The following RUFY1 variants were observed in gnomAD, a reference collection of about 807,000 sequenced individuals.
The protein encoded by RUFY1 is RUN and FYVE domain containing 1, also known as RUN and FYVE domain-containing protein 1.
In RUFY1, 54 loss-of-function variants were observed where a neutral mutation model predicts 94.6. The observed-to-expected ratio is 0.57, with a 90% CI of 0.46 to 0.72. The LOEUF (loss-of-function observed/expected upper bound fraction) is 0.72. RUFY1 is among the 30% of genes least tolerant of loss of function. RUFY1 has a pLI of 0.00. For synonymous variants in RUFY1, 396 were observed against 347.3 expected (o/e 1.14, Z -1.56); for missense variants, 883 against 883.9 (o/e 1.00, Z 0.01).
rs1446188988 is a variant in RUFY1 at position 179,550,609 on chromosome 5, C to T, written c.40C>T (p.Arg14Trp). 1.5e-6 allele frequency: 2 copies of T among 1,307,912 alleles called. No individual in the cohort carries two copies. Among genetic ancestry groups the T allele is most frequent in the South Asian group, 1.5e-5 (1 of 65,248 alleles). The allele number at this position is 1,307,912 out of a possible 1,614,324, so 81.0% of individuals were successfully genotyped here. A position where few individuals can be genotyped will look rare whatever the true frequency, so the allele number is the denominator to read the frequency against. Reference protein sequence around the residue: ...REGGCAAGRGRELEPELEPGP... With the variant: ...REGGCAAGRGWELEPELEPGP... ...AGGCGGCTGCGCTGCTGGGCGGGGG[C>T]GGGAGCTGGAGCCGGAGCTGGAGCC... Residue 14 changes from arginine (R) to tryptophan (W), a missense_variant, in exon 1 of 18, where the codon CGG (arginine) becomes TGG (tryptophan). Physicochemically the swap from Arg to Trp is moderately radical, Grantham distance 101. Transcript: ENST00000319449.
At chr5:179,565,978 C>CA (rs994353850) in intron 3 of RUFY1, among the ~76,000 whole-genome samples, 68 of 142,116 alleles carry the variant, frequency 4.8e-4, no homozygotes, top group East Asian at 1.0e-3. Context: ...CCCATCTCTA[C>CA]AAAAAAAAAA....
At chr5:179,568,947 C>G (rs10036118) in intron 4 of RUFY1, 286,147 of 734,656 alleles carry the variant, frequency 0.39, 56,775 homozygotes, top group East Asian at 0.72. Flanking sequence ...CTGTTTATAT[C>G]AGCATAAGTG....
chr5:179,567,323 A>G (rs755924613), intron 3 of RUFY1, 138 bp from the exon 4 acceptor site: 3 of 667,200 alleles, frequency 4.5e-6, no homozygotes, highest in African/African-American at 1.8e-5. Context: ...TCCCTCCCCA[A>G]CCCCAAACAG....
chr5:179,598,536 C>T (rs892513030), intron 13 of RUFY1, among the ~76,000 whole-genome samples, 156 bp from the exon 14 acceptor site: 6 of 152,108 alleles, frequency 3.9e-5, no homozygotes, highest in Non-Finnish European at 8.8e-5. Flanking sequence ...TGTGGAAGGG[C>T]AGGTGACCCT....
At chr5:179,607,489 C>T (rs1767223849) in intron 16 of RUFY1, 93 bp from the exon 17 acceptor site, 1 of 985,588 alleles carries the variant, frequency 1.0e-6, no homozygotes, top group Non-Finnish European at 1.6e-6. Context: ...GAAACAGGTG[C>T]TATGAGGGAC....
chr5:179,584,302 T>TG (rs1185667754), intron 7 of RUFY1, among the ~76,000 whole-genome samples: 19 of 152,206 alleles, frequency 1.2e-4, no homozygotes, highest in Non-Finnish European at 2.5e-4. Flanking sequence ...GCATGACCTG[T>TG]TGCCCAGAAG....
chr5:179,608,349 A>C, intron 17 of RUFY1: 1 of 985,752 alleles, frequency 1.0e-6, no homozygotes, highest in Non-Finnish European at 1.2e-6. Context: ...AGTTTCAGGC[A>C]GTGCCTTGCA....
intron 12 of RUFY1, 46 bp downstream of exon 12, chr5:179,595,009 T>G: frequency 1.5e-6 from 2 of 1,351,046 alleles, no homozygotes; most frequent in Non-Finnish European, 2.1e-6. Context: ...GCTCTGAGCA[T>G]TCCCTGGGCC....
At chr5:179,556,113 TG>T (rs1171557697) in intron 1 of RUFY1, among the ~76,000 whole-genome samples, 2 of 152,224 alleles carry the variant, frequency 1.3e-5, no homozygotes, top group African/African-American at 4.8e-5. Flanking sequence ...ACTGTTACAT[TG>T]TTTTTTGAAA....
At chr5:179,596,763 C>A in intron 13 of RUFY1, 82 bp downstream of exon 13, 1 of 930,422 alleles carries the variant, frequency 1.1e-6, no homozygotes, top group Non-Finnish European at 1.4e-6. Flanking sequence ...TATCCTGCTT[C>A]AGCACGAACG....
chr5:179,591,289 A>G (rs959632033), intron 9 of RUFY1, among the ~76,000 whole-genome samples: 7 of 151,456 alleles, frequency 4.6e-5, no homozygotes, highest in African/African-American at 1.5e-4. Flanking sequence ...GGTTCACGCC[A>G]TTCTCCTGCC....
In RUFY1 at chr5:179,596,423, A is replaced by T. The variant is rs1765644386; in HGVS notation, c.1512-139A>T. On this transcript the variant is annotated intron_variant, in intron 12 of 17. Transcript: ENST00000319449. The stretch of plus-strand genomic sequence containing the variant: ...CCGTCCTGTATTCTGATTGTGGTGG[A>T]GCTGAATCTCCACGTGTTAAAACTC... 6 of 1,064,958 alleles carry T rather than the reference A, an allele frequency of 5.6e-6. No homozygotes were observed. In the South Asian group the frequency reaches 7.7e-5, roughly 14 times the overall value. 66.0% of individuals were successfully genotyped at this position (1,064,958 alleles called of 1,614,324 possible). A position where few individuals can be genotyped will look rare whatever the true frequency, so the allele number is the denominator to read the frequency against.
At position 179,567,501 on chromosome 5, in the gene RUFY1, C is replaced by G; in HGVS notation, c.643C>G (p.Leu215Val). 2 of 1,614,110 alleles carry G rather than the reference C, an allele frequency of 1.2e-6. No homozygotes were observed. Among genetic ancestry groups the G allele is most frequent in the African/African-American group, 1.3e-5 (1 of 75,070 alleles). The change falls in exon 4 of 18, where the codon CTC becomes GTC. Residue 215 changes from leucine (L) to valine (V), a missense_variant. Leu to Val is a conservative substitution (Grantham distance 32). Transcript: ENST00000319449. ...GRGRAWLYLA[L>V]MQKKLADYLK... ...AGGCCGAGCGTGGCTTTATCTTGCA[C>G]TCATGCAAAAGAAACTGGCAGATTA... is the stretch of plus-strand genomic sequence containing the variant.
intron 5 of RUFY1, among the ~76,000 whole-genome samples, chr5:179,569,779 G>C (rs546370538): frequency 1.3e-5 from 2 of 152,076 alleles, no homozygotes; most frequent in South Asian, 4.2e-4. Flanking sequence ...GAGTCTCGTT[G>C]TGTCTCCCAG....
chr5:179,607,511 C>T (rs1355031263), intron 16 of RUFY1, 71 bp from the exon 17 acceptor site: 4 of 1,297,904 alleles, frequency 3.1e-6, no homozygotes, highest in Admixed American at 3.4e-5. Context: ...ATGGATGTGG[C>T]CAGAACGCAG....
intron 16 of RUFY1, 73 bp downstream of exon 16, chr5:179,605,997 A>G (rs1562119705): frequency 2.0e-6 from 2 of 996,648 alleles, no homozygotes; most frequent in African/African-American, 1.6e-5. Context: ...ACGTTTAAGT[A>G]TCCCAACAGT....
chr5:179,584,939 T>C (rs1428567090), intron 7 of RUFY1, among the ~76,000 whole-genome samples: 1 of 151,712 alleles, frequency 6.6e-6, no homozygotes, highest in Non-Finnish European at 1.5e-5. Context: ...ATTGAGACCA[T>C]CCTGGCTAAC....
chr5:179,600,272 C>G (rs1286397798), intron 14 of RUFY1, among the ~76,000 whole-genome samples: 2 of 152,230 alleles, frequency 1.3e-5, no homozygotes, highest in Non-Finnish European at 2.9e-5. Flanking sequence ...CCGAGCTCCA[C>G]CGCTGCTCCC....
At chr5:179,569,761 T>C (rs931973062) in intron 5 of RUFY1, among the ~76,000 whole-genome samples, 1 of 152,058 alleles carries the variant, frequency 6.6e-6, no homozygotes, top group Non-Finnish European at 1.5e-5. Flanking sequence ...GTTGTTTTTT[T>C]TGAGACGGAG....
Sources: allele counts gnomAD v4.1 joint callset (sites outside exome capture counted in the v4.1 genomes callset), GRCh38; gene constraint gnomAD v4.1.1; transcripts MANE v1.5; gene names NCBI Gene and HGNC (gene_info 2026-07-23, HGNC 2026-07-21).